The following MGAT4D variants were observed in gnomAD, a reference collection of about 807,000 sequenced individuals.
MGAT4D encodes alpha-1,3-mannosyl-glycoprotein 4-beta-N-acetylglucosaminyltransferase-like protein MGAT4D.
In MGAT4D, 34 loss-of-function variants were observed where a neutral mutation model predicts 15.9. The observed-to-expected ratio is 2.14, with a 90% CI of 1.62 to 2.84. The LOEUF is 2.84. Among genes scored for constraint, MGAT4D ranks in the 30% most tolerant of loss-of-function variants. The pLI is 0.00. For missense variants in MGAT4D, 327 were observed against 140.2 expected, an observed-to-expected ratio of 2.33 and a Z score of -6.73; for synonymous variants, 112 against 48.2, an observed-to-expected ratio of 2.33 and a Z score of -5.49.
chr4:140,490,127 C>A (rs1733406110), intron 1 of MGAT4D, among the ~76,000 whole-genome samples: 1 of 152,188 alleles, frequency 6.6e-6, no homozygotes, highest in African/African-American at 2.4e-5. Context: ...ACTGGTAACT[C>A]ATGTTTTAAA....
intron 5 of MGAT4D, among the ~76,000 whole-genome samples, chr4:140,467,359 C>T (rs972256945): frequency 2.6e-5 from 4 of 151,900 alleles, no homozygotes; most frequent in South Asian, 4.2e-4. Context: ...AGATCTTGTG[C>T]GGCAATTTAG....
At chr4:140,477,499 C>T (rs1732414198) in intron 3 of MGAT4D, among the ~76,000 whole-genome samples, 1 of 152,206 alleles carries the variant, frequency 6.6e-6, no homozygotes, top group Non-Finnish European at 1.5e-5. Context: ...AAGGGAGTCA[C>T]ATTACAAATC....
At chr4:140,457,253 A>C (rs1730872455) in intron 8 of MGAT4D, 1 of 152,002 alleles carries the variant, frequency 6.6e-6, no homozygotes, top group Non-Finnish European at 1.5e-5. Context: ...TAGGTCTAAT[A>C]GTTTTTTTCT....
chr4:140,455,242 T>C (rs1730724897), intron 9 of MGAT4D, among the ~76,000 whole-genome samples: 1 of 152,196 alleles, frequency 6.6e-6, no homozygotes, highest in African/African-American at 2.4e-5. Flanking sequence ...AGCAGTGCTT[T>C]AGCTGCATTC....
At chr4:140,444,096 C>G (rs1254889893) in intron 10 of MGAT4D, among the ~76,000 whole-genome samples, 1 of 152,098 alleles carries the variant, frequency 6.6e-6, no homozygotes, top group Non-Finnish European at 1.5e-5. Flanking sequence ...AAAAGAGAAT[C>G]ATAAAACTTT....
chr4:140,461,691 A>C (rs1200834123), intron 7 of MGAT4D, among the ~76,000 whole-genome samples: 1 of 152,082 alleles, frequency 6.6e-6, no homozygotes, highest in Non-Finnish European at 1.5e-5. Context: ...GTAACAGTGA[A>C]CCTAGTAAGA....
chr4:140,483,924 G>A (rs1201938478), intron 1 of MGAT4D, among the ~76,000 whole-genome samples: 1 of 152,108 alleles, frequency 6.6e-6, no homozygotes, highest in African/African-American at 2.4e-5. Context: ...GAAACCATTA[G>A]GAAAAAGCTT....
chr4:140,452,696 C>T (rs1384186168), intron 9 of MGAT4D, among the ~76,000 whole-genome samples: 1 of 152,128 alleles, frequency 6.6e-6, no homozygotes, highest in Non-Finnish European at 1.5e-5. Context: ...CAAATATTTT[C>T]TCCTAGTCTG....
intron 10 of MGAT4D, among the ~76,000 whole-genome samples, chr4:140,445,416 C>T (rs1223760422): frequency 6.6e-6 from 1 of 152,046 alleles, no homozygotes; most frequent in Non-Finnish European, 1.5e-5. Context: ...TTTACAGATC[C>T]TGGATATTAG....
chr4:140,458,975 T>C (rs145970414), intron 8 of MGAT4D: 233 of 151,970 alleles, frequency 1.5e-3, no homozygotes, highest in African/African-American at 5.4e-3. Flanking sequence ...GAAAGAAAAA[T>C]TGAAGGATTT....
At chr4:140,451,141 T>C (rs1332544203) in intron 10 of MGAT4D, among the ~76,000 whole-genome samples, 1 of 152,142 alleles carries the variant, frequency 6.6e-6, no homozygotes, top group Non-Finnish European at 1.5e-5. Flanking sequence ...AACTCTTTTT[T>C]AGTCTTCTTA....
chr4:140,482,771 T>A (rs1732831379), intron 1 of MGAT4D, among the ~76,000 whole-genome samples: 1 of 152,164 alleles, frequency 6.6e-6, no homozygotes, highest in South Asian at 2.1e-4. Flanking sequence ...TACTCTGTGC[T>A]CTTCTTTGTT....
intron 10 of MGAT4D, among the ~76,000 whole-genome samples, chr4:140,447,330 T>C (rs1200935450): frequency 6.6e-6 from 1 of 152,202 alleles, no homozygotes; most frequent in Non-Finnish European, 1.5e-5. Flanking sequence ...CTATTATGTA[T>C]GGCAGTCTAC....
At chr4:140,478,341 T>C (rs1003580249) in intron 3 of MGAT4D, among the ~76,000 whole-genome samples, 3 of 152,230 alleles carry the variant, frequency 2.0e-5, no homozygotes, top group Non-Finnish European at 4.4e-5. Context: ...CTGATGCTTA[T>C]GCAAGGTTAT....
chr4:140,454,886 G>A (rs1324733106), intron 9 of MGAT4D, among the ~76,000 whole-genome samples: 1 of 141,156 alleles, frequency 7.1e-6, no homozygotes, highest in African/African-American at 2.6e-5. Flanking sequence ...AGTGCCTGCA[G>A]TATTCCCTTA....
At chr4:140,454,412 A>T (rs1425097673) in intron 9 of MGAT4D, among the ~76,000 whole-genome samples, 1 of 152,194 alleles carries the variant, frequency 6.6e-6, no homozygotes, top group Non-Finnish European at 1.5e-5. Context: ...GTTACACTGT[A>T]TGATTTTCAA....
chr4:140,490,204 A>G (rs916329780), intron 1 of MGAT4D, among the ~76,000 whole-genome samples: 1 of 152,182 alleles, frequency 6.6e-6, no homozygotes, highest in African/African-American at 2.4e-5. Context: ...ACTTTGTTTT[A>G]GAGTCTTCTT....
chr4:140,466,774 T>G (rs1731560649), intron 5 of MGAT4D, among the ~76,000 whole-genome samples: 1 of 152,144 alleles, frequency 6.6e-6, no homozygotes, highest in Non-Finnish European at 1.5e-5. Context: ...CATGCTATCT[T>G]GCAAATCAAG....
At chr4:140,480,724 T>C (rs1732649133) in intron 2 of MGAT4D, among the ~76,000 whole-genome samples, 1 of 140,452 alleles carries the variant, frequency 7.1e-6, no homozygotes. Flanking sequence ...GACCCTCATC[T>C]CTAAACACAC....
Sources: gnomAD v4.1 joint callset for allele counts (sites outside exome capture counted in the v4.1 genomes callset) on GRCh38, gnomAD v4.1.1 for gene constraint, MANE v1.5 for transcripts, NCBI Gene and HGNC (gene_info 2026-07-23, HGNC 2026-07-21) for gene names.